SLC35F3: variants seen among roughly 807,000 people sequenced by gnomAD.
The protein encoded by SLC35F3 is solute carrier family 35 member F3.
SLC35F3 carries 25 observed loss-of-function variants against 49.9 expected under a neutral mutation model. The observed-to-expected ratio is 0.50, with a 90% CI of 0.37 to 0.70. SLC35F3 has a LOEUF of 0.70. Among genes scored for constraint, SLC35F3 ranks in the 30% least tolerant of loss-of-function variants. SLC35F3 has a pLI of 0.00. For synonymous variants in SLC35F3, 275 were observed against 265.4 expected, an observed-to-expected ratio of 1.04 and a Z score of -0.35; for missense variants, 525 against 639.8, an observed-to-expected ratio of 0.82 and a Z score of 1.94.
chr1:233,927,579 T>A (rs1662180145), intron 2 of SLC35F3, among the ~76,000 whole-genome samples: 1 of 152,238 alleles, frequency 6.6e-6, no homozygotes, highest in Non-Finnish European at 1.5e-5. Context: ...ACTTGTGAGA[T>A]GTTTACATAA....
At chr1:234,297,901 T>C (rs1312791961) in intron 3 of SLC35F3, among the ~76,000 whole-genome samples, 1 of 152,080 alleles carries the variant, frequency 6.6e-6, no homozygotes, top group Non-Finnish European at 1.5e-5. Flanking sequence ...TACAGTAGAG[T>C]GCCTATAGCT....
At chr1:233,967,546 A>G (rs1468992997) in intron 2 of SLC35F3, among the ~76,000 whole-genome samples, 2 of 152,220 alleles carry the variant, frequency 1.3e-5, no homozygotes, top group Admixed American at 6.5e-5. Flanking sequence ...TCTATTTAAC[A>G]TGGTAACCAT....
intron 2 of SLC35F3, among the ~76,000 whole-genome samples, chr1:234,224,524 T>G (rs1447466336): frequency 6.6e-6 from 1 of 152,138 alleles, no homozygotes; most frequent in Non-Finnish European, 1.5e-5. Flanking sequence ...CCATACACAC[T>G]CAGTCTTTTC....
chr1:233,973,827 A>C (rs1400279783), intron 2 of SLC35F3, among the ~76,000 whole-genome samples: 1 of 152,242 alleles, frequency 6.6e-6, no homozygotes, highest in East Asian at 1.9e-4. Flanking sequence ...TGAAACTGGT[A>C]ATTTCTAAGC....
chr1:234,105,139 A>C lies in SLC35F3; in HGVS notation c.284-126278A>C, dbSNP rs930080768. 3.9e-5 allele frequency among the ~76,000 whole-genome samples: 6 copies of C among 151,990 alleles called. No individual in the cohort carries two copies. The East Asian group carries it at 1.2e-3, about 29-fold the overall frequency. On this transcript the variant is annotated intron_variant, in intron 2 of 7. Coordinates refer to ENST00000366618, the MANE Select transcript of SLC35F3 (RefSeq NM_173508.4). The stretch of plus-strand genomic sequence containing the variant: ...TGAGACTCCGTTAAAAAAAAAAAAA[A>C]AAAACCTTTGGGCTCCAACCCTCTT...
chr1:234,278,657 C>T (rs1320720803), intron 3 of SLC35F3, among the ~76,000 whole-genome samples: 1 of 152,174 alleles, frequency 6.6e-6, no homozygotes, highest in Non-Finnish European at 1.5e-5. Context: ...CAAATATGTA[C>T]TTCTCACAGT....
rs1432239875 is a variant in SLC35F3, at chr1:234,046,923, T to G, written c.283+141165T>G. Among the ~76,000 whole-genome samples the G allele has an allele frequency of 6.6e-6, 1 of 152,210 alleles. No homozygotes were observed. Among genetic ancestry groups the G allele is most frequent in the East Asian group, 1.9e-4 (1 of 5,196 alleles). The stretch of plus-strand genomic sequence containing the variant: ...ACTATCCACTGAATCTCCCTGTAAT[T>G]AAGTGCCACACAACCTTAGTTACTC... On this transcript the variant is annotated intron_variant, in intron 2 of 7. Transcript: ENST00000366618. The surrounding 1 kb of genome is among the most constrained non-coding windows in gnomAD (Gnocchi z 4.4).
At chr1:234,314,408 C>T (rs1021478014) in intron 4 of SLC35F3, among the ~76,000 whole-genome samples, 1 of 152,206 alleles carries the variant, frequency 6.6e-6, no homozygotes, top group African/African-American at 2.4e-5. Flanking sequence ...CCTCACTGTC[C>T]TTCATTGCCT....
chr1:234,260,038 G>A (rs1252604575), intron 3 of SLC35F3, among the ~76,000 whole-genome samples: 1 of 152,126 alleles, frequency 6.6e-6, no homozygotes, highest in East Asian at 1.9e-4. Flanking sequence ...TAGGACAGGT[G>A]GGGAAAGGGT....
At chr1:233,985,621 G>A (rs926440733) in intron 2 of SLC35F3, among the ~76,000 whole-genome samples, 2 of 152,150 alleles carry the variant, frequency 1.3e-5, no homozygotes, top group Non-Finnish European at 2.9e-5. Context: ...TCATTGGTAC[G>A]TGATGTAAGT....
At chr1:233,954,114 C>A (rs954630189) in intron 2 of SLC35F3, among the ~76,000 whole-genome samples, 1 of 151,298 alleles carries the variant, frequency 6.6e-6, no homozygotes, top group Admixed American at 6.6e-5. Context: ...TCAAGCTATT[C>A]TCCTGCCTCG....
intron 2 of SLC35F3, among the ~76,000 whole-genome samples, chr1:234,220,434 C>T (rs1667187039): frequency 6.6e-6 from 1 of 152,196 alleles, no homozygotes; most frequent in Non-Finnish European, 1.5e-5. Flanking sequence ...CAGCAGTCCA[C>T]ACATGAGCTC....
chr1:234,010,847 A>G (rs939454311), intron 2 of SLC35F3, among the ~76,000 whole-genome samples: 1 of 152,218 alleles, frequency 6.6e-6, no homozygotes, highest in African/African-American at 2.4e-5. Flanking sequence ...GTCAAAAACT[A>G]TAAAAAGAGA....
intron 2 of SLC35F3, among the ~76,000 whole-genome samples, chr1:233,956,267 A>G (rs1229955141): frequency 6.6e-6 from 1 of 152,162 alleles, no homozygotes; most frequent in Non-Finnish European, 1.5e-5. Flanking sequence ...AGCAGAGTCC[A>G]TATTCTAAAG....
chr1:234,187,801 C>T (rs1666666965), intron 2 of SLC35F3, among the ~76,000 whole-genome samples: 1 of 152,162 alleles, frequency 6.6e-6, no homozygotes, highest in South Asian at 2.1e-4. Context: ...ACAGGGGTCC[C>T]TGGGGAGGGC....
At chr1:234,238,297 C>G (rs112147347) in intron 3 of SLC35F3, among the ~76,000 whole-genome samples, 2,163 of 152,262 alleles carry the variant, frequency 0.014, 39 homozygotes, top group African/African-American at 0.049. Flanking sequence ...TAGCAGATGT[C>G]TGGTACAGCC....
intron 2 of SLC35F3, among the ~76,000 whole-genome samples, chr1:234,159,822 A>T (rs763989927): frequency 3.3e-5 from 5 of 152,140 alleles, no homozygotes; most frequent in Non-Finnish European, 7.4e-5. Flanking sequence ...CTAGGTGGGG[A>T]TGCTAAAAAT....
intron 2 of SLC35F3, among the ~76,000 whole-genome samples, chr1:234,162,906 CAT>C (rs909231745): frequency 2.0e-5 from 3 of 152,152 alleles, no homozygotes; most frequent in African/African-American, 4.8e-5. Flanking sequence ...CTTCCTAATT[CAT>C]AGAGAGGGTA....
In SLC35F3 at chr1:233,981,365, C is replaced by T. The variant is rs563280232; in HGVS notation, c.283+75607C>T. Among the ~76,000 whole-genome samples the T allele has an allele frequency of 4.6e-5, 7 of 152,320 alleles. No individual in the cohort carries two copies. In the East Asian group the frequency reaches 1.3e-3, roughly 29 times the overall value. On this transcript the variant is annotated intron_variant, in intron 2 of 7. Transcript: ENST00000366618. ...ACAATCACTAATCTCTTCCCCATCT[C>T]TATACTTCTGTTATTTCAAGAATGC...
Sources: gnomAD v4.1 joint callset for allele counts (sites outside exome capture counted in the v4.1 genomes callset) on GRCh38, gnomAD v4.1.1 for gene constraint, Gnocchi (gnomAD v3.1) non-coding constraint, MANE v1.5 for transcripts, NCBI Gene and HGNC (gene_info 2026-07-23, HGNC 2026-07-21) for gene names.